Variants in USP2 observed in about 807,000 individuals in gnomAD.
USP2 encodes the protein ubiquitin specific peptidase 2.
Under a neutral mutation model 72.0 loss-of-function variants are expected in USP2, and 33 were observed. The ratio of observed to expected loss-of-function variants is 0.46; its 90% CI spans 0.35 to 0.61. USP2 has a LOEUF of 0.61. USP2 is among the 20% of genes least tolerant of loss of function. The pLI, the probability that USP2 is intolerant of heterozygous loss-of-function variation, is 0.01. For missense variants in USP2, 691 were observed against 797.8 expected, an observed-to-expected ratio of 0.87 and a Z score of 1.61; for synonymous variants, 296 against 312.5, an observed-to-expected ratio of 0.95 and a Z score of 0.56.
At chr11:119,375,276 G>A (rs1355040695) in intron 1 of USP2, among the ~76,000 whole-genome samples, 1 of 152,230 alleles carries the variant, frequency 6.6e-6, no homozygotes, top group Non-Finnish European at 1.5e-5. Flanking sequence ...CAAGGCTTTG[G>A]GGTAGGTACA....
chr11:119,380,490 G>T (rs923871811), intron 1 of USP2, among the ~76,000 whole-genome samples: 2 of 152,112 alleles, frequency 1.3e-5, no homozygotes, highest in Non-Finnish European at 2.9e-5. Flanking sequence ...CACAGAGCCG[G>T]GCTGGGCAGG....
Position 119,356,532 on chromosome 11 carries a change from C to T in USP2, c.*303G>A. 3.2e-6 allele frequency: 1 copy of T among 311,938 alleles called. No homozygotes were observed. The highest frequency in any genetic ancestry group is 5.9e-6 in the Non-Finnish European group (1 of 170,060). 19.3% of individuals were successfully genotyped at this position (311,938 alleles called of 1,614,324 possible). ...GAAGCGGCGCAGCGAGGGTCTTCCC[C>T]CCCAAGACACAGTTGTTTCTGACAC... On this transcript the variant is annotated 3_prime_UTR_variant, in exon 13 of 13. Coordinates refer to ENST00000260187, the MANE Select transcript of USP2 (RefSeq NM_004205.5).
intron 1 of USP2, chr11:119,379,198 G>A (rs1951034091): frequency 5.6e-5 from 55 of 985,486 alleles, no homozygotes; most frequent in Non-Finnish European, 6.6e-5. Context: ...CAACTCACTT[G>A]CATTCCAAGC....
chr11:119,380,070 A>G (rs1951043646), intron 1 of USP2, among the ~76,000 whole-genome samples: 1 of 151,770 alleles, frequency 6.6e-6, no homozygotes, highest in South Asian at 2.1e-4. Flanking sequence ...TCCCGCCAGC[A>G]CGCCCGGCTA....
chr11:119,363,557 G>A (rs1432195952), intron 2 of USP2, among the ~76,000 whole-genome samples: 1 of 152,056 alleles, frequency 6.6e-6, no homozygotes, highest in Non-Finnish European at 1.5e-5. Flanking sequence ...TCCTGCACCT[G>A]TCCTGATAGG....
Position 119,358,510 on chromosome 11 carries a change from T to C in USP2, c.1238-258A>G, listed in dbSNP as rs529919834. On this transcript the variant is annotated intron_variant, in intron 7 of 12. Coordinates refer to ENST00000260187, the MANE Select transcript of USP2 (RefSeq NM_004205.5). ...TTTGCATTTTTAGTAGAGATGGGGT[T>C]TTGCCATGTTGGCCAGGCTGGTCTT... 8.4e-4 allele frequency among the ~76,000 whole-genome samples: 128 copies of C among 152,274 alleles called. 3 individuals carry two copies. The South Asian group carries it at 0.025, about 30-fold the overall frequency.
At chr11:119,366,163 G>C (rs1051537826) in intron 2 of USP2, among the ~76,000 whole-genome samples, 2 of 152,198 alleles carry the variant, frequency 1.3e-5, no homozygotes, top group African/African-American at 4.8e-5. Flanking sequence ...CCAAAGTGCT[G>C]GGATTACAGG....
At chr11:119,357,925 T>C in intron 9 of USP2, 56 bp downstream of exon 9, 1 of 1,613,536 alleles carries the variant, frequency 6.2e-7, no homozygotes, top group Non-Finnish European at 8.5e-7. Flanking sequence ...GGTATCAGCC[T>C]CTTCCCAGTA....
chr11:119,367,937 A>G (rs1950877075), intron 2 of USP2, among the ~76,000 whole-genome samples: 2 of 152,144 alleles, frequency 1.3e-5, no homozygotes, highest in African/African-American at 4.8e-5. Flanking sequence ...CCACCCCAGC[A>G]CCACATTAAC....
chr11:119,360,292 G>A (rs370036465), intron 2 of USP2, 58 bp from the exon 3 acceptor site: 1 of 1,581,578 alleles, frequency 6.3e-7, no homozygotes, highest in Non-Finnish European at 8.7e-7. Flanking sequence ...GCCTGTGCTG[G>A]GCTCTCTCGT....
Position 119,373,375 on chromosome 11 carries a change from C to T in USP2, c.106G>A (p.Gly36Arg), listed in dbSNP as rs776784535. Reference sequence around the variant, plus strand: ...AGTAAGGAGGCAGCCAGATTGGCCCCATAGGAGGACGGGGTGTAGGCACCA... The same window carrying T: ...AGTAAGGAGGCAGCCAGATTGGCCCTATAGGAGGACGGGGTGTAGGCACCA... Reference protein sequence around the residue: ...GYGAYTPSSYGANLAASLLEK... With the variant: ...GYGAYTPSSYRANLAASLLEK... Residue 36 changes from glycine to arginine, a missense_variant, in exon 2 of 13, where the codon GGG (glycine) becomes AGG (arginine). Transcript: ENST00000260187. 6.2e-7 allele frequency: 1 copy of T among 1,611,602 alleles called. No homozygotes were observed. Among genetic ancestry groups the T allele is most frequent in the Non-Finnish European group, 8.5e-7 (1 of 1,179,974 alleles).
chr11:119,378,276 G>A (rs1284905059), intron 1 of USP2, among the ~76,000 whole-genome samples: 1 of 151,640 alleles, frequency 6.6e-6, no homozygotes, highest in Non-Finnish European at 1.5e-5. Flanking sequence ...CCTGGAGGAT[G>A]GGATGAGGGA....
rs1215963470 is a variant in USP2, at chr11:119,359,597, G to A, written c.889C>T (p.Gln297Ter). 7 of 1,613,896 alleles carry A rather than the reference G, an allele frequency of 4.3e-6. No homozygotes were observed. The highest frequency in any genetic ancestry group is 5.9e-6 in the Non-Finnish European group (7 of 1,180,026). ...TGCAGGTCCCGCATGTAGAGCCTCT[G>A]GAGGCAGTAATCTCTCAACTCCCGA... ...NTRELRDYCL[Q>*]RLYMRDLHHG... is the part of the protein sequence containing the mutation. The change falls in exon 4 of 13, where the codon CAG becomes TAG. Residue 297 changes from glutamine to a stop codon, truncating the protein, a stop_gained. Transcript: ENST00000260187. LOFTEE classifies it high-confidence loss of function.
At chr11:119,357,371 C>T in intron 11 of USP2, 64 bp from the exon 12 acceptor site, 2 of 1,608,720 alleles carry the variant, frequency 1.2e-6, no homozygotes, top group Non-Finnish European at 8.5e-7. Context: ...CCTCCAACCT[C>T]TCCTTCTGGG....
At chr11:119,366,052 G>A (rs1035980063) in intron 2 of USP2, among the ~76,000 whole-genome samples, 15 of 151,930 alleles carry the variant, frequency 9.9e-5, no homozygotes, top group African/African-American at 2.9e-4. Flanking sequence ...GCACCACCAC[G>A]CCTGGCTAAT....
chr11:119,370,327 A>G (rs1405752520), intron 2 of USP2, among the ~76,000 whole-genome samples: 1 of 152,244 alleles, frequency 6.6e-6, no homozygotes, highest in African/African-American at 2.4e-5. Flanking sequence ...CATGCCAGGC[A>G]CTTTCACATA....
chr11:119,363,956 G>GCTTT, intron 2 of USP2: 1 of 1,285,184 alleles, frequency 7.8e-7, no homozygotes, highest in Non-Finnish European at 9.9e-7. Context: ...GGGGCGGCGG[G>GCTTT]GGGGTCCTCG....
chr11:119,361,610 G>T (rs1019970850), intron 2 of USP2, among the ~76,000 whole-genome samples: 4 of 151,260 alleles, frequency 2.6e-5, no homozygotes, highest in Non-Finnish European at 5.9e-5. Context: ...GTTGTCAGCT[G>T]GGGGGGAGGG....
rs1951058760 is a variant in USP2 at position 119,381,545 on chromosome 11, C to G, written c.-114G>C. 2.0e-6 allele frequency: 3 copies of G among 1,535,968 alleles called. No homozygotes were observed. Among genetic ancestry groups the G allele is most frequent in the Admixed American group, 2.0e-5 (1 of 50,990 alleles). On this transcript the variant is annotated 5_prime_UTR_variant, in exon 1 of 13. Transcript: ENST00000260187. ...AGCTGCGGGTGAGTCCCGGCTGGCG[C>G]TGGCGCGGCGCAGTGAGCACCAGCT...
Sources: gnomAD v4.1 joint callset for allele counts (sites outside exome capture counted in the v4.1 genomes callset) on GRCh38, gnomAD v4.1.1 for gene constraint, MANE v1.5 for transcripts, NCBI Gene and HGNC (gene_info 2026-07-23, HGNC 2026-07-21) for gene names.